The following THSD7B variants were observed in gnomAD, a reference collection of about 807,000 sequenced individuals.
The protein encoded by THSD7B is thrombospondin type-1 domain-containing protein 7B.
Under a neutral mutation model 213.6 loss-of-function variants are expected in THSD7B, and 138 were observed. The observed-to-expected ratio is 0.65, with a 90% CI of 0.56 to 0.74. The LOEUF is 0.74. Ranked by LOEUF, THSD7B falls within the 30% of genes least tolerant of loss-of-function variation. The probability of loss-of-function intolerance (pLI) is 0.00; values close to 1 mark genes in which losing one functional copy is unlikely to be tolerated. For synonymous variants in THSD7B, 742 were observed against 687.0 expected (o/e 1.08, Z -1.25); for missense variants, 1,931 against 1,991.5 (o/e 0.97, Z 0.58).
rs753659407 is a variant in THSD7B at position 137,231,110 on chromosome 2, C to T, written c.1790C>T (p.Pro597Leu). ...PPPERKSCEI[P>L]CRMDCVLSEW... ...CCTGAGAGGAAGTCTTGTGAAATTC[C>T]CTGCCGAATGGACTGTGTGCTGAGC... The change falls in exon 8 of 28, where the codon CCC becomes CTC. Residue 597 changes from proline to leucine, a missense_variant. By Grantham distance (98) the Pro-to-Leu change is moderately conservative (BLOSUM62 -3). Coordinates refer to ENST00000409968, the MANE Select transcript of THSD7B (RefSeq NM_001316349.2). 3.1e-6 allele frequency: 5 copies of T among 1,613,768 alleles called. No individual in the cohort carries two copies. In the South Asian group the frequency reaches 5.5e-5, roughly 18 times the overall value.
At chr2:137,552,212 T>C (rs1680863327) in intron 15 of THSD7B, among the ~76,000 whole-genome samples, 1 of 152,180 alleles carries the variant, frequency 6.6e-6, no homozygotes, top group African/African-American at 2.4e-5. Flanking sequence ...TTTTTTTTTC[T>C]ATATAAAATA....
At chr2:136,945,214 G>GC (rs1474048398) in intron 2 of THSD7B, among the ~76,000 whole-genome samples, 1 of 152,090 alleles carries the variant, frequency 6.6e-6, no homozygotes, top group Non-Finnish European at 1.5e-5. Flanking sequence ...TTGAATATTG[G>GC]CCCCAACTCT....
chr2:137,444,360 T>C (rs1285957597), intron 14 of THSD7B, among the ~76,000 whole-genome samples: 2 of 152,044 alleles, frequency 1.3e-5, no homozygotes, highest in Non-Finnish European at 2.9e-5. Flanking sequence ...GGCAAAGTAT[T>C]GATCTAACTT....
chr2:137,100,280 G>A (rs1476711989), intron 4 of THSD7B, among the ~76,000 whole-genome samples: 1 of 152,082 alleles, frequency 6.6e-6, no homozygotes, highest in African/African-American at 2.4e-5. Context: ...TTCAAAACCT[G>A]CTTTGGCCTG....
intron 12 of THSD7B, among the ~76,000 whole-genome samples, chr2:137,399,359 A>G (rs1686297684): frequency 6.6e-6 from 1 of 151,738 alleles, no homozygotes; most frequent in Admixed American, 6.6e-5. Flanking sequence ...CGCCTGGCTA[A>G]TTTTTTTATT....
At chr2:136,918,269 G>A (rs924182002) in intron 2 of THSD7B, among the ~76,000 whole-genome samples, 6 of 152,034 alleles carry the variant, frequency 3.9e-5, no homozygotes, top group East Asian at 1.9e-4. Context: ...GGAACCTTTC[G>A]TTATATTATC....
intron 2 of THSD7B, among the ~76,000 whole-genome samples, chr2:136,945,345 G>C (rs1301681146): frequency 2.6e-5 from 4 of 152,022 alleles, no homozygotes; most frequent in Non-Finnish European, 5.9e-5. Context: ...TTCTGTTGTT[G>C]GTCTGATGGA....
Position 137,094,989 on chromosome 2 carries a change from G to A in THSD7B, c.1067G>A (p.Ser356Asn). The stretch of plus-strand genomic sequence containing the variant: ...TGCTCCAAGACATGCCGTTCAGGGA[G>A]TCTCTTGCCAGGATTTAGGAGCAGG... ...SPCSKTCRSG[S>N]LLPGFRSRSR... The change falls in exon 4 of 28, where the codon AGT (serine) becomes AAT (asparagine). Residue 356 changes from serine (S) to asparagine (N), a missense_variant. Physicochemically the swap from Ser to Asn is conservative, Grantham distance 46. Coordinates refer to ENST00000409968, the MANE Select transcript of THSD7B (RefSeq NM_001316349.2). 2 of 1,613,846 alleles carry A rather than the reference G, an allele frequency of 1.2e-6. No homozygotes were observed. Among genetic ancestry groups the A allele is most frequent in the Non-Finnish European group, 1.7e-6 (2 of 1,179,852 alleles).
chr2:137,415,350 C>G (rs1285201094), intron 14 of THSD7B, among the ~76,000 whole-genome samples: 1 of 152,148 alleles, frequency 6.6e-6, no homozygotes, highest in Non-Finnish European at 1.5e-5. Flanking sequence ...CTAATGGATT[C>G]CATGGATAAC....
At chr2:136,860,194 G>A (rs919285734) in intron 1 of THSD7B, among the ~76,000 whole-genome samples, 3 of 151,808 alleles carry the variant, frequency 2.0e-5, no homozygotes. Context: ...TATCTTAGGA[G>A]GCCAGGGCAG....
At chr2:137,348,527 A>T (rs1684930952) in intron 12 of THSD7B, among the ~76,000 whole-genome samples, 1 of 151,748 alleles carries the variant, frequency 6.6e-6, no homozygotes. Context: ...CCCATGCTTT[A>T]TGAGATAAAC....
At chr2:137,338,120 G>T (rs1684679341) in intron 12 of THSD7B, among the ~76,000 whole-genome samples, 1 of 152,060 alleles carries the variant, frequency 6.6e-6, no homozygotes, top group African/African-American at 2.4e-5. Flanking sequence ...CTGTGCTAAA[G>T]GTTTCTTTAG....
At chr2:136,973,006 G>A (rs1482220393) in intron 2 of THSD7B, among the ~76,000 whole-genome samples, 3 of 152,152 alleles carry the variant, frequency 2.0e-5, no homozygotes, top group South Asian at 2.1e-4. Context: ...TGTCTGTGGT[G>A]TAAGCTGAAT....
chr2:136,798,007 A>G (rs1682104244), intron 1 of THSD7B, among the ~76,000 whole-genome samples: 2 of 152,006 alleles, frequency 1.3e-5, no homozygotes, highest in South Asian at 2.1e-4. Flanking sequence ...TAGCAAAATT[A>G]TGCATTCCAG....
At chr2:137,172,484 G>A (rs954075241) in intron 7 of THSD7B, among the ~76,000 whole-genome samples, 1 of 152,188 alleles carries the variant, frequency 6.6e-6, no homozygotes, top group Non-Finnish European at 1.5e-5. Flanking sequence ...AAATGTGGCA[G>A]TGCTGAGAGG....
intron 4 of THSD7B, among the ~76,000 whole-genome samples, chr2:137,101,562 G>A (rs113457375): frequency 0.03 from 4,538 of 152,240 alleles, 99 homozygotes; most frequent in South Asian, 0.069. Context: ...CCTGGAAAGG[G>A]GGCTGAAGGC....
chr2:137,560,705 G>T (rs1333131505), intron 15 of THSD7B, among the ~76,000 whole-genome samples: 1 of 151,634 alleles, frequency 6.6e-6, no homozygotes, highest in African/African-American at 2.4e-5. Context: ...AGAACTTAAG[G>T]TATAATAAAA....
intron 12 of THSD7B, among the ~76,000 whole-genome samples, chr2:137,336,211 G>A (rs1684636697): frequency 1.3e-5 from 2 of 152,194 alleles, no homozygotes. Context: ...TTATAATTTT[G>A]TATTTATGTC....
At chr2:136,839,248 G>A (rs1044562807) in intron 1 of THSD7B, among the ~76,000 whole-genome samples, 1 of 152,166 alleles carries the variant, frequency 6.6e-6, no homozygotes, top group African/African-American at 2.4e-5. Flanking sequence ...TCTACTGCCT[G>A]AGGGTCACCC....
Sources: gnomAD v4.1 joint callset for allele counts (sites outside exome capture counted in the v4.1 genomes callset) on GRCh38, gnomAD v4.1.1 for gene constraint, MANE v1.5 for transcripts, NCBI Gene and HGNC (gene_info 2026-07-23, HGNC 2026-07-21) for gene names.